The following AMIGO3 variants were observed in gnomAD, a reference collection of about 807,000 sequenced individuals.
The protein encoded by AMIGO3 is amphoterin-induced protein 3.
AMIGO3 carries 6 observed loss-of-function variants against 4.3 expected under a neutral mutation model. The observed-to-expected ratio is 1.39, with a 90% CI of 0.76 to 2.75. The LOEUF (loss-of-function observed/expected upper bound fraction) is 2.75, where lower values mean the gene tolerates loss of function less well. Ranked by LOEUF, AMIGO3 falls within the 30% of genes most tolerant of loss-of-function variation. The pLI is 0.00. For synonymous variants in AMIGO3, 315 were observed against 320.0 expected, an observed-to-expected ratio of 0.98 and a Z score of 0.17; for missense variants, 771 against 692.1, an observed-to-expected ratio of 1.11 and a Z score of -1.28.
Position 49,718,278 on chromosome 3 carries a change from C to T in AMIGO3, c.1188G>A (p.Val396=). 6 of 1,612,930 alleles carry T rather than the reference C, an allele frequency of 3.7e-6. No homozygotes were observed. The highest frequency in any genetic ancestry group is 5.1e-6 in the Non-Finnish European group (6 of 1,179,808). The change falls in exon 1 of 1, where the codon GTG becomes GTA. Residue 396 remains valine, a synonymous_variant. Transcript: ENST00000320431. ...GGGCGAACAGGTAGAGCAGCACGAGCACAAGGCCCACGGCACAGCCCAGCA... is the reference window on the plus strand; with the variant it reads ...GGGCGAACAGGTAGAGCAGCACGAGTACAAGGCCCACGGCACAGCCCAGCA... The part of the protein sequence containing the change: ...TTLLGCAVGL[V]LVLLYLFAPP...
rs762424197 is a variant in AMIGO3, at chr3:49,718,816, T to G, written c.650A>C (p.His217Pro). The change falls in exon 1 of 1, where the codon CAC becomes CCC. Residue 217 changes from histidine (H) to proline (P), a missense_variant. Coordinates refer to ENST00000320431, the MANE Select transcript of AMIGO3 (RefSeq NM_198722.3). ...GCAGTCGCAAGGCAAAGGGTTGTTG[T>G]GCAAGTAGAGGCCGTTCTTGAGGAA... Reference protein sequence around the residue: ...PAFLKNGLYLHNNPLPCDCRL... With the variant: ...PAFLKNGLYLPNNPLPCDCRL... 6.2e-7 allele frequency: 1 copy of G among 1,613,310 alleles called. No individual in the cohort carries two copies. The highest frequency in any genetic ancestry group is 2.2e-5 in the East Asian group (1 of 44,880).
In AMIGO3 at chr3:49,718,504, GC is replaced by G. The variant is rs2080303593; in HGVS notation, c.961del (p.Ala321ArgfsTer19). 6.2e-7 allele frequency: 1 copy of G among 1,612,950 alleles called. No homozygotes were observed. Among genetic ancestry groups the G allele is most frequent in the South Asian group, 1.1e-5 (1 of 91,086 alleles). On this transcript the variant is annotated frameshift_variant, in exon 1 of 1. Transcript: ENST00000320431. LOFTEE classifies it low-confidence loss of function (END_TRUNC). ...WVSPQQELLR[A>X]PGSRDGSIAV... is the part of the protein sequence containing the mutation. ...GATGCTGCCATCGCGGGATCCTGGCGCCCTGAGAAGCTCCTGCTGCGGCGAA... is the reference window on the plus strand; with the variant it reads ...GATGCTGCCATCGCGGGATCCTGGCGCCTGAGAAGCTCCTGCTGCGGCGAA...
chr3:49,718,098 A>G lies in AMIGO3; in HGVS notation c.1368T>C (p.Phe456=). The G allele has an allele frequency of 6.2e-7, 1 of 1,613,594 alleles. No individual in the cohort carries two copies. The highest frequency in any genetic ancestry group is 8.5e-7 in the Non-Finnish European group (1 of 1,180,038). Residue 456 remains phenylalanine (F), a synonymous_variant, in exon 1 of 1, where the codon TTT becomes TTC. Transcript: ENST00000320431. Reference sequence around the variant, plus strand: ...TGAGGCCCCTCCGGCCTGGCTCCAGAAAGACTACGTGCTTGTGGACGCTGG... The same window carrying G: ...TGAGGCCCCTCCGGCCTGGCTCCAGGAAGACTACGTGCTTGTGGACGCTGG... ...RKASVHKHVV[F]LEPGRRGLNG...
At position 49,718,533 on chromosome 3, in the gene AMIGO3, C is replaced by G; in HGVS notation, c.933G>C (p.Trp311Cys). The stretch of plus-strand genomic sequence containing the variant: ...TGAGAAGCTCCTGCTGCGGCGAAAC[C>G]CAGGCAATGCGCATGGCCGGGACGC... ...NTSVPAMRIA[W>C]VSPQQELLRA... is the part of the protein sequence containing the mutation. Residue 311 changes from tryptophan to cysteine, a missense_variant, in exon 1 of 1, where the codon TGG becomes TGC. Transcript: ENST00000320431. 6.2e-7 allele frequency: 1 copy of G among 1,613,184 alleles called. No individual in the cohort carries two copies. The highest frequency in any genetic ancestry group is 8.5e-7 in the Non-Finnish European group (1 of 1,179,956).
In AMIGO3 at chr3:49,719,478, C is replaced by T. The variant is rs1296232732; in HGVS notation, c.-13G>A. 2 of 1,604,950 alleles carry T rather than the reference C, an allele frequency of 1.2e-6. No homozygotes were observed. The highest frequency in any genetic ancestry group is 1.3e-5 in the African/African-American group (1 of 74,956). ...CCAACCAGGTCATGGCGGCGACCAC[C>T]AGGGACAGTACAGAGCAGCTCTGTG... On this transcript the variant is annotated 5_prime_UTR_variant, in exon 1 of 1. Coordinates refer to ENST00000320431, the MANE Select transcript of AMIGO3 (RefSeq NM_198722.3).
At position 49,718,232 on chromosome 3, in the gene AMIGO3, G is replaced by T; in HGVS notation, c.1234C>A (p.Arg412Ser). Residue 412 changes from arginine to serine, a missense_variant, in exon 1 of 1, where the codon CGT becomes AGT. Arg to Ser is a moderately radical substitution (Grantham distance 110, BLOSUM62 -1). Coordinates refer to ENST00000320431, the MANE Select transcript of AMIGO3 (RefSeq NM_198722.3). The part of the protein sequence containing the change: ...LFAPPCRCCR[R>S]ACRCRRWPQT... Reference sequence around the variant, plus strand: ...GGCCAGCGGCGGCAGCGGCAGGCACGGCGGCAGCAGCGGCAGGGTGGGGCG... The same window carrying T: ...GGCCAGCGGCGGCAGCGGCAGGCACTGCGGCAGCAGCGGCAGGGTGGGGCG... The T allele has an allele frequency of 6.2e-7, 1 of 1,611,852 alleles. No homozygotes were observed. Among genetic ancestry groups the T allele is most frequent in the Non-Finnish European group, 8.5e-7 (1 of 1,179,454 alleles).
rs754537795 is a variant in AMIGO3, at chr3:49,717,989, C to G, written c.1477G>C (p.Ala493Pro). 6.8e-6 allele frequency: 11 copies of G among 1,613,484 alleles called. No individual in the cohort carries two copies. The highest frequency in any genetic ancestry group is 2.2e-5 in the East Asian group (1 of 44,876). ...GLQLKAGSES[A>P]SSIGSEGPMT... ...GGACCCTCGGAGCCTATGGAGCTGGCGGACTCAGAGCCAGCCTTCAGCTGC... is the reference window on the plus strand; with the variant it reads ...GGACCCTCGGAGCCTATGGAGCTGGGGGACTCAGAGCCAGCCTTCAGCTGC... Residue 493 changes from alanine to proline, a missense_variant, in exon 1 of 1, where the codon GCC (alanine) becomes CCC (proline). Physicochemically the swap from Ala to Pro is conservative, Grantham distance 27. Transcript: ENST00000320431.
Position 49,718,633 on chromosome 3 carries a change from GC to G in AMIGO3, c.832del (p.Ala278LeufsTer4), listed in dbSNP as rs771486122. 6.2e-7 allele frequency: 1 copy of G among 1,613,018 alleles called. No individual in the cohort carries two copies. Among genetic ancestry groups the G allele is most frequent in the South Asian group, 1.1e-5 (1 of 91,082 alleles). On this transcript the variant is annotated frameshift_variant, in exon 1 of 1. Coordinates refer to ENST00000320431, the MANE Select transcript of AMIGO3 (RefSeq NM_198722.3). LOFTEE classifies it low-confidence loss of function (END_TRUNC). ...RVFENCSSAP[A>X]LGLERPEEHL... ...CTCTTCCGGCCGCTCTAGGCCAAGA[GC>G]TGGGGCCGACGAGCAGTTCTCAAAG...
chr3:49,719,072 G>T lies in AMIGO3; in HGVS notation c.394C>A (p.Leu132Met), dbSNP rs1240373296. The T allele has an allele frequency of 2.5e-6, 4 of 1,613,810 alleles. No homozygotes were observed. In the East Asian group the frequency reaches 8.9e-5, roughly 36 times the overall value. ...RALGRHDLDG[L>M]GALEKLLLFN... ...AGAAGCAGCTTCTCCAGCGCCCCCAGCCCGTCGAGGTCGTGGCGGCCAAGC... is the reference window on the plus strand; with the variant it reads ...AGAAGCAGCTTCTCCAGCGCCCCCATCCCGTCGAGGTCGTGGCGGCCAAGC... Residue 132 changes from leucine to methionine, a missense_variant, in exon 1 of 1, where the codon CTG becomes ATG. Physicochemically the swap from Leu to Met is conservative, Grantham distance 15. Coordinates refer to ENST00000320431, the MANE Select transcript of AMIGO3 (RefSeq NM_198722.3).
In AMIGO3 at chr3:49,719,639, G is replaced by T; in HGVS notation, c.-174C>A. The T allele has an allele frequency of 1.7e-6, 1 of 604,922 alleles. No individual in the cohort carries two copies. 37.5% of individuals were successfully genotyped at this position (604,922 alleles called of 1,614,324 possible). A position where few individuals can be genotyped will look rare whatever the true frequency, so the allele number is the denominator to read the frequency against. On this transcript the variant is annotated 5_prime_UTR_variant, in exon 1 of 1. Coordinates refer to ENST00000320431, the MANE Select transcript of AMIGO3 (RefSeq NM_198722.3). The stretch of plus-strand genomic sequence containing the variant: ...TCTCCGGTTCCCAGGTTGTGAGGCG[G>T]TGCGGCACTCTTAGCCGCGCTCCCT...
rs762966130 is a variant in AMIGO3, at chr3:49,719,324, T to C, written c.142A>G (p.Thr48Ala). 11 of 1,613,018 alleles carry C rather than the reference T, an allele frequency of 6.8e-6. No homozygotes were observed. The highest frequency in any genetic ancestry group is 1.7e-5 in the Admixed American group (1 of 60,004). ...CICAADLLSC[T>A]GLGLQDVPAE... is the part of the protein sequence containing the mutation. ...GGCACGTCCTGCAGCCCTAGGCCAG[T>C]GCAGCTTAGCAGGTCGGCAGCGCAG... Residue 48 changes from threonine to alanine, a missense_variant, in exon 1 of 1, where the codon ACT becomes GCT. Transcript: ENST00000320431.
At position 49,718,991 on chromosome 3, in the gene AMIGO3, G is replaced by A; in HGVS notation, c.475C>T (p.Leu159Phe). ...DEHAFHGLRA[L>F]SHLYLGCNEL... ...TTGCAGCCCAGGTAGAGATGGCTGA[G>A]CGCGCGCAGGCCGTGGAAGGCATGC... Residue 159 changes from leucine (L) to phenylalanine (F), a missense_variant, in exon 1 of 1, where the codon CTC becomes TTC. Leu to Phe is a conservative substitution (Grantham distance 22). Coordinates refer to ENST00000320431, the MANE Select transcript of AMIGO3 (RefSeq NM_198722.3). The A allele has an allele frequency of 1.9e-6, 3 of 1,613,838 alleles. No homozygotes were observed. Among genetic ancestry groups the A allele is most frequent in the South Asian group, 1.1e-5 (1 of 91,090 alleles).
At position 49,718,172 on chromosome 3, in the gene AMIGO3, G is replaced by C. The variant is rs367664871; in HGVS notation, c.1294C>G (p.Gln432Glu). The C allele has an allele frequency of 9.3e-6, 15 of 1,613,074 alleles. No homozygotes were observed. The highest frequency in any genetic ancestry group is 1.6e-4 in the Middle Eastern group (1 of 6,084). The change falls in exon 1 of 1, where the codon CAG (glutamine) becomes GAG (glutamate). Residue 432 changes from glutamine (Q) to glutamate (E), a missense_variant. Coordinates refer to ENST00000320431, the MANE Select transcript of AMIGO3 (RefSeq NM_198722.3). ...GGTGTGGTGCTGAGTACTGAGGACT[G>C]TGCGCTCAGCTCTTGGAGCGGGCTG... The part of the protein sequence containing the change: ...TPSPLQELSA[Q>E]SSVLSTTPPD...
Position 49,719,564 on chromosome 3 carries a change from G to A in AMIGO3, c.-99C>T. 9.2e-7 allele frequency: 1 copy of A among 1,088,842 alleles called. No homozygotes were observed. The highest frequency in any genetic ancestry group is 1.3e-6 in the Non-Finnish European group (1 of 756,824). The allele number at this position is 1,088,842 out of a possible 1,614,324, so 67.4% of individuals were successfully genotyped here. ...TAGTGCGACATGGGTGGCACCGGAT[G>A]GCCCTTGCCGAGGAGGCACGGCGGG... is the stretch of plus-strand genomic sequence containing the variant. On this transcript the variant is annotated 5_prime_UTR_variant, in exon 1 of 1. Coordinates refer to ENST00000320431, the MANE Select transcript of AMIGO3 (RefSeq NM_198722.3).
At position 49,719,651 on chromosome 3, in the gene AMIGO3, T is replaced by A; in HGVS notation, c.-186A>T. The stretch of plus-strand genomic sequence containing the variant: ...AGGTTGTGAGGCGGTGCGGCACTCT[T>A]AGCCGCGCTCCCTTCGGCTTCGCTA... On this transcript the variant is annotated 5_prime_UTR_variant, in exon 1 of 1. Transcript: ENST00000320431. 1 of 584,182 alleles carries A rather than the reference T, an allele frequency of 1.7e-6. No homozygotes were observed. Among genetic ancestry groups the A allele is most frequent in the East Asian group, 3.1e-5 (1 of 32,644 alleles). The allele number at this position is 584,182 out of a possible 1,614,324, so 36.2% of individuals were successfully genotyped here. A position where few individuals can be genotyped will look rare whatever the true frequency, so the allele number is the denominator to read the frequency against.
Position 49,717,627 on chromosome 3 carries a change from G to T in AMIGO3, c.*324C>A. The T allele has an allele frequency of 4.5e-6, 2 of 441,344 alleles. No individual in the cohort carries two copies. The highest frequency in any genetic ancestry group is 4.1e-6 in the Non-Finnish European group (1 of 242,414). 27.3% of individuals were successfully genotyped at this position (441,344 alleles called of 1,614,324 possible). ...ACAGCCACTTCCACAGCTGTGCTGT[G>T]TTGAAAGCCACAGGGGCCTGGGTCT... On this transcript the variant is annotated 3_prime_UTR_variant, in exon 1 of 1. Transcript: ENST00000320431.
chr3:49,718,907 T>G lies in AMIGO3; in HGVS notation c.559A>C (p.Thr187Pro). The change falls in exon 1 of 1, where the codon ACT becomes CCT. Residue 187 changes from threonine (T) to proline (P), a missense_variant. Coordinates refer to ENST00000320431, the MANE Select transcript of AMIGO3 (RefSeq NM_198722.3). ...LHGLSATHLL[T>P]LDLSSNRLGH... Reference sequence around the variant, plus strand: ...AGCCGGTTGGAGGAGAGGTCCAGAGTAAGCAGGTGGGTGGCGCTCAGACCG... The same window carrying G: ...AGCCGGTTGGAGGAGAGGTCCAGAGGAAGCAGGTGGGTGGCGCTCAGACCG... 6.2e-7 allele frequency: 1 copy of G among 1,613,396 alleles called. No individual in the cohort carries two copies. Among genetic ancestry groups the G allele is most frequent in the Non-Finnish European group, 8.5e-7 (1 of 1,179,980 alleles).
rs1286490464 is a variant in AMIGO3, at chr3:49,718,160, G to C, written c.1306C>G (p.Leu436Val). Residue 436 changes from leucine to valine, a missense_variant, in exon 1 of 1, where the codon CTC becomes GTC. Coordinates refer to ENST00000320431, the MANE Select transcript of AMIGO3 (RefSeq NM_198722.3). Reference sequence around the variant, plus strand: ...GGTGCGTCTGGCGGTGTGGTGCTGAGTACTGAGGACTGTGCGCTCAGCTCT... The same window carrying C: ...GGTGCGTCTGGCGGTGTGGTGCTGACTACTGAGGACTGTGCGCTCAGCTCT... ...LQELSAQSSV[L>V]STTPPDAPSR... 1.2e-6 allele frequency: 2 copies of C among 1,613,212 alleles called. No homozygotes were observed. Among genetic ancestry groups the C allele is most frequent in the Non-Finnish European group, 1.7e-6 (2 of 1,180,024 alleles).
chr3:49,718,498 C>G lies in AMIGO3; in HGVS notation c.968G>C (p.Gly323Ala), dbSNP rs981834081. 1.2e-6 allele frequency: 2 copies of G among 1,613,026 alleles called. No homozygotes were observed. The highest frequency in any genetic ancestry group is 1.7e-6 in the Non-Finnish European group (2 of 1,179,946). The change falls in exon 1 of 1, where the codon GGA becomes GCA. Residue 323 changes from glycine (G) to alanine (A), a missense_variant. Coordinates refer to ENST00000320431, the MANE Select transcript of AMIGO3 (RefSeq NM_198722.3). ...SPQQELLRAP[G>A]SRDGSIAVLA... ...CACCGCGATGCTGCCATCGCGGGAT[C>G]CTGGCGCCCTGAGAAGCTCCTGCTG...
Sources: gnomAD v4.1 joint callset for allele counts on GRCh38, gnomAD v4.1.1 for gene constraint, MANE v1.5 for transcripts, NCBI Gene and HGNC (gene_info 2026-07-23, HGNC 2026-07-21) for gene names.